PARP10: variants seen among roughly 807,000 people sequenced by gnomAD.
The protein encoded by PARP10 is protein mono-ADP-ribosyltransferase PARP10.
Under a neutral mutation model 82.4 loss-of-function variants are expected in PARP10, and 56 were observed. The observed-to-expected ratio is 0.68, with a 90% CI of 0.55 to 0.85. The LOEUF (loss-of-function observed/expected upper bound fraction) is 0.85. PARP10 is among the 40% of genes least tolerant of loss of function. The pLI is 0.00. For synonymous variants in PARP10, 576 were observed against 601.1 expected (o/e 0.96, Z 0.61); for missense variants, 1,227 against 1,379.4 (o/e 0.89, Z 1.75).
intron 9 of PARP10, among the ~76,000 whole-genome samples, chr8:143,981,008 TC>T (rs1241421826): frequency 1.3e-5 from 2 of 151,340 alleles, no homozygotes; most frequent in Non-Finnish European, 2.9e-5. Context: ...CTCCTCATCT[TC>T]CATGCGGGAA....
chr8:143,982,843 C>A, intron 9 of PARP10, 89 bp downstream of exon 9: 2 of 1,550,418 alleles, frequency 1.3e-6, no homozygotes, highest in Non-Finnish European at 8.7e-7. Flanking sequence ...TTGATGTAGG[C>A]GAGAGGGACA....
Position 143,984,840 on chromosome 8 carries a change from C to T in PARP10, c.1162G>A (p.Val388Met). The change falls in exon 5 of 11, where the codon GTG (valine) becomes ATG (methionine). Residue 388 changes from valine (V) to methionine (M), a missense_variant. Val to Met is a conservative substitution (Grantham distance 21). Coordinates refer to ENST00000313028, the MANE Select transcript of PARP10 (RefSeq NM_032789.5). Reference sequence around the variant, plus strand: ...CCCAGCAACCCCTTAGAGGTCTCCACTGGGCCTGCAGACCCCACAGGCCCC... The same window carrying T: ...CCCAGCAACCCCTTAGAGGTCTCCATTGGGCCTGCAGACCCCACAGGCCCC... ...SLGPVGSAGP[V>M]ETSKGLLGQE... is the part of the protein sequence containing the mutation. The T allele has an allele frequency of 6.2e-7, 1 of 1,612,656 alleles. No homozygotes were observed. Among genetic ancestry groups the T allele is most frequent in the Non-Finnish European group, 8.5e-7 (1 of 1,179,050 alleles).
At chr8:144,002,992 C>T (rs1834212451) in intron 1 of PARP10, among the ~76,000 whole-genome samples, 1 of 151,982 alleles carries the variant, frequency 6.6e-6, no homozygotes. Context: ...AATGGATTTC[C>T]ATCAAAAATG....
rs1554748289 is a variant in PARP10, at chr8:143,983,527, G to T, written c.2062C>A (p.Leu688Met). 1 of 1,605,982 alleles carries T rather than the reference G, an allele frequency of 6.2e-7. No individual in the cohort carries two copies. The highest frequency in any genetic ancestry group is 1.1e-5 in the South Asian group (1 of 89,778). The change falls in exon 8 of 11, where the codon CTG becomes ATG. Residue 688 changes from leucine to methionine, a missense_variant. Physicochemically the swap from Leu to Met is conservative, Grantham distance 15. Coordinates refer to ENST00000313028, the MANE Select transcript of PARP10 (RefSeq NM_032789.5). ...ALRQALTLSL[L>M]EQPPLEAEEP... The stretch of plus-strand genomic sequence containing the variant: ...TCTGCCTCCAACGGGGGCTGCTCCA[G>T]CAGGGAGAGGGTTAGGGCTTGCCGC...
chr8:143,991,737 A>G (rs1554750540), upstream of PARP10: 4 of 1,613,822 alleles, frequency 2.5e-6, no homozygotes, highest in South Asian at 1.1e-5. Flanking sequence ...CCATCCTACT[A>G]TGACAACCAG....
chr8:143,988,712 C>T, upstream of PARP10: 1 of 152,370 alleles, frequency 6.6e-6, no homozygotes, highest in Non-Finnish European at 1.5e-5. Flanking sequence ...TTGTGATCCA[C>T]CCGCCTCGGC....
At chr8:144,002,426 A>G (rs1834208843) in intron 1 of PARP10, among the ~76,000 whole-genome samples, 1 of 152,220 alleles carries the variant, frequency 6.6e-6, no homozygotes, top group African/African-American at 2.4e-5. Flanking sequence ...AGCTGATTCT[A>G]AAATTGACAT....
upstream of PARP10, chr8:143,991,549 TC>T (rs782789467): frequency 1.3e-6 from 2 of 1,547,124 alleles, no homozygotes; most frequent in Non-Finnish European, 1.8e-6. Flanking sequence ...CAGAGCCCCT[TC>T]CCCCCCAACC....
rs1403115935 is a variant in PARP10, at chr8:143,984,943, G to T, written c.1059C>A (p.Pro353=). ...LGQAEQVSSM[P]MGSLEHEGLV... ...GCCCCTCATGTTCCAGAGACCCCAT[G>T]GGCATCGAGCTGACTTGCTCTGCCT... The change falls in exon 5 of 11, where the codon CCC becomes CCA. Residue 353 remains proline, a synonymous_variant. Coordinates refer to ENST00000313028, the MANE Select transcript of PARP10 (RefSeq NM_032789.5). 4 of 1,613,838 alleles carry T rather than the reference G, an allele frequency of 2.5e-6. No homozygotes were observed. In the African/African-American group the frequency reaches 4.0e-5, roughly 16 times the overall value.
At position 143,983,377 on chromosome 8, in the gene PARP10, T is replaced by C. The variant is rs1554748213; in HGVS notation, c.2212A>G (p.Thr738Ala). ...AGTGTGCGGCGCCAGGGCCCCACCG[T>C]CTCCTCCTGGACGTGGACCTCCAAG... is the stretch of plus-strand genomic sequence containing the variant. ...AALEVHVQEETVGPWRRTLPA... is the reference protein window; with the variant it reads ...AALEVHVQEEAVGPWRRTLPA... Residue 738 changes from threonine (T) to alanine (A), a missense_variant, in exon 8 of 11, where the codon ACG becomes GCG. Transcript: ENST00000313028. The C allele has an allele frequency of 1.2e-6, 2 of 1,606,314 alleles. No individual in the cohort carries two copies. Among genetic ancestry groups the C allele is most frequent in the Non-Finnish European group, 1.7e-6 (2 of 1,179,048 alleles).
At position 143,983,702 on chromosome 8, in the gene PARP10, C is replaced by T; in HGVS notation, c.1887G>A (p.Glu629=). 2 of 1,609,904 alleles carry T rather than the reference C, an allele frequency of 1.2e-6. No individual in the cohort carries two copies. The highest frequency in any genetic ancestry group is 1.7e-6 in the Non-Finnish European group (2 of 1,177,886). ...EEGPQEQPEE[E]VTPGHEEEEP... The stretch of plus-strand genomic sequence containing the variant: ...CCTCCTCCTCATGCCCTGGGGTCAC[C>T]TCCTCCTCTGGCTGCTCCTGAGGCC... The change falls in exon 8 of 11, where the codon GAG becomes GAA. Residue 629 remains glutamate, a synonymous_variant. Transcript: ENST00000313028.
intron 9 of PARP10, among the ~76,000 whole-genome samples, chr8:143,981,217 C>T (rs575319729): frequency 3.5e-4 from 54 of 152,174 alleles, no homozygotes; most frequent in Non-Finnish European, 6.0e-4. Flanking sequence ...ATCCTGGTGG[C>T]GGTGAGCGGT....
rs1184983002 is a variant in PARP10, at chr8:143,985,177, A to G, written c.825T>C (p.His275=). The G allele has an allele frequency of 4.3e-6, 7 of 1,614,132 alleles. No individual in the cohort carries two copies. Among genetic ancestry groups the G allele is most frequent in the Non-Finnish European group, 5.9e-6 (7 of 1,179,998 alleles). ...CCAACCCTCCGGTCCTCAGGAGAGCATGCTTGGTAGCCCTAGGCCCCTGGG... is the reference window on the plus strand; with the variant it reads ...CCAACCCTCCGGTCCTCAGGAGAGCGTGCTTGGTAGCCCTAGGCCCCTGGG... ...PSTQGPRATK[H]ALLRTGGLVT... The change falls in exon 5 of 11, where the codon CAT becomes CAC. Residue 275 remains histidine (H), a synonymous_variant. Transcript: ENST00000313028.
chr8:143,986,296 G>T (rs782522188), intron 1 of PARP10, 62 bp downstream of exon 1: 71 of 1,613,698 alleles, frequency 4.4e-5, no homozygotes, highest in Non-Finnish European at 5.9e-5. Context: ...CCCTCCCCAG[G>T]CCCCTCCAAG....
intron 1 of PARP10, among the ~76,000 whole-genome samples, chr8:143,998,586 A>G (rs1368404442): frequency 5.9e-5 from 9 of 152,222 alleles, no homozygotes; most frequent in Admixed American, 5.9e-4. Flanking sequence ...TTAAATAAAT[A>G]TGGTGGATGT....
chr8:143,982,401 G>A (rs1833884560), intron 9 of PARP10, among the ~76,000 whole-genome samples: 1 of 152,160 alleles, frequency 6.6e-6, no homozygotes, highest in Non-Finnish European at 1.5e-5. Flanking sequence ...GTGAACCCGG[G>A]AGGCGGAGCT....
At chr8:143,983,122 T>C (rs1554748112) in intron 8 of PARP10, 45 bp downstream of exon 8, 2 of 1,612,450 alleles carry the variant, frequency 1.2e-6, no homozygotes, top group Non-Finnish European at 1.7e-6. Context: ...TAGCCCCTGC[T>C]AACCAGCCCA....
intron 1 of PARP10, among the ~76,000 whole-genome samples, chr8:144,006,591 C>T (rs1032028828): frequency 5.9e-5 from 9 of 152,170 alleles, no homozygotes; most frequent in Non-Finnish European, 1.3e-4. Flanking sequence ...GAAGTTGGGG[C>T]TCTGGAGTCT....
chr8:144,006,562 C>G (rs1834238311), intron 1 of PARP10, among the ~76,000 whole-genome samples: 1 of 152,176 alleles, frequency 6.6e-6, no homozygotes, highest in Non-Finnish European at 1.5e-5. Context: ...AGTTTGGGGT[C>G]AGGGAGTAAC....
Sources: allele counts gnomAD v4.1 joint callset (sites outside exome capture counted in the v4.1 genomes callset), GRCh38; gene constraint gnomAD v4.1.1; transcripts MANE v1.5; gene names NCBI Gene and HGNC (gene_info 2026-07-23, HGNC 2026-07-21).